RTEL1: variants seen among roughly 807,000 people sequenced by gnomAD.
RTEL1 encodes the protein regulator of telomere elongation helicase 1, also known as regulator of telomere length.
A neutral mutation model predicts 162.2 loss-of-function variants in RTEL1; 86 were observed. The ratio of observed to expected loss-of-function variants is 0.53; its 90% confidence interval spans 0.45 to 0.63. The LOEUF (loss-of-function observed/expected upper bound fraction) is 0.63. Ranked by LOEUF, RTEL1 falls within the 30% of genes least tolerant of loss-of-function variation. RTEL1 has a pLI of 0.00. For missense variants in RTEL1, 1,941 were observed against 1,750.2 expected (o/e 1.11, Z -1.95); for synonymous variants, 958 against 717.9 (o/e 1.33, Z -5.35).
At position 63,695,611 on chromosome 20, in the gene RTEL1, C is replaced by G. The variant is rs376313219; in HGVS notation, c.3783C>G (p.Asp1261Glu). The G allele has an allele frequency of 3.0e-5, 49 of 1,611,784 alleles. No individual in the cohort carries two copies. The highest frequency in any genetic ancestry group is 1.6e-4 in the Middle Eastern group (1 of 6,072). ...TGCCCTTCCAGTGCCCTGCCTGTGA[C>G]TTCCAGCGCTGCCAAGCCTGCTGGC... is the stretch of plus-strand genomic sequence containing the variant. ...DVVPFQCPAC[D>E]FQRCQACWQR... Residue 1261 changes from aspartate (D) to glutamate (E), a missense_variant, in exon 34 of 35, where the codon GAC becomes GAG. Asp to Glu is a conservative substitution (Grantham distance 45). Coordinates refer to ENST00000360203, the MANE Select transcript of RTEL1 (RefSeq NM_001283009.2).
Position 63,681,907 on chromosome 20 carries a change from T to A in RTEL1, c.1191+1188T>A. 3 of 985,424 alleles carry A rather than the reference T, an allele frequency of 3.0e-6. No homozygotes were observed. The South Asian group carries it at 1.4e-4, about 46-fold the overall frequency. 61.0% of individuals were successfully genotyped at this position (985,424 alleles called of 1,614,324 possible). ...GACCCCTCTGTCTGTGGCTCCTGCC[T>A]GCCAAGGGCTGCTGTGCTGTCCCGC... On this transcript the variant is annotated intron_variant, in intron 14 of 34. Transcript: ENST00000360203.
At position 63,662,811 on chromosome 20, in the gene RTEL1, C is replaced by T; in HGVS notation, c.478-18C>T. On this transcript the variant is annotated intron_variant, in intron 5 of 34. Transcript: ENST00000360203. ...CTTGGCCGTGCTTCAGCTGCGCACT[C>T]TGCCCTTCCTCCCACAGATCCACTT... The T allele has an allele frequency of 6.2e-7, 1 of 1,613,712 alleles. No homozygotes were observed. The highest frequency in any genetic ancestry group is 8.5e-7 in the Non-Finnish European group (1 of 1,179,968).
At chr20:63,669,460 G>A (rs1253834168) in intron 8 of RTEL1, among the ~76,000 whole-genome samples, 2 of 152,152 alleles carry the variant, frequency 1.3e-5, no homozygotes, top group Non-Finnish European at 2.9e-5. Context: ...TCAACTCTGT[G>A]GAAGAGTTGA....
At chr20:63,679,308 G>A (rs990098125) in intron 12 of RTEL1, among the ~76,000 whole-genome samples, 3 of 152,292 alleles carry the variant, frequency 2.0e-5, no homozygotes, top group South Asian at 2.1e-4. Context: ...TGTCCTCAGC[G>A]TAATGCTCAA....
At chr20:63,681,965 C>T (rs938488942) in intron 14 of RTEL1, 47 of 985,316 alleles carry the variant, frequency 4.8e-5, no homozygotes, top group African/African-American at 1.4e-4. Flanking sequence ...AGCAGGAGGC[C>T]GTGCACCTAT....
At chr20:63,680,836 A>G in intron 14 of RTEL1, 117 bp downstream of exon 14, 1 of 1,529,612 alleles carries the variant, frequency 6.5e-7, no homozygotes, top group South Asian at 1.2e-5. Context: ...CCCCTACACC[A>G]CCTGTTTCTG....
intron 13 of RTEL1, 87 bp downstream of exon 13, chr20:63,680,033 G>T: frequency 1.1e-6 from 1 of 903,410 alleles, no homozygotes; most frequent in Non-Finnish European, 1.7e-6. Flanking sequence ...GGGCTCCCCT[G>T]GCCGTCACCT....
chr20:63,679,975 G>A (rs558135876), intron 13 of RTEL1, 29 bp downstream of exon 13: 9 of 1,532,258 alleles, frequency 5.9e-6, no homozygotes, highest in Non-Finnish European at 4.5e-6. Flanking sequence ...TCTTTGGTGC[G>A]GGCAAATGTG....
At chr20:63,684,240 C>T (rs3787092) in intron 14 of RTEL1, among the ~76,000 whole-genome samples, 114,698 of 151,620 alleles carry the variant, frequency 0.76, 44,037 homozygotes, top group Middle Eastern at 0.79. Context: ...TGGTTCTGTG[C>T]GCTGACCGAG....
intron 9 of RTEL1, 81 bp downstream of exon 9, chr20:63,672,702 G>T (rs1263021456): frequency 8.1e-7 from 1 of 1,230,366 alleles, no homozygotes; most frequent in Non-Finnish European, 1.2e-6. Flanking sequence ...TTCTGGAGGG[G>T]CTCTGGCCAA....
At chr20:63,681,811 G>C in intron 14 of RTEL1, 2 of 985,398 alleles carry the variant, frequency 2.0e-6, no homozygotes, top group Non-Finnish European at 2.4e-6. Flanking sequence ...TGCGGTAGCT[G>C]GGGCTGGAAG....
In RTEL1 at chr20:63,688,531, C is replaced by T. The variant is rs753210449; in HGVS notation, c.1726C>T (p.Arg576Cys). ...MEKSLEFWRA[R>C]DLARKMEALK... Reference sequence around the variant, plus strand: ...TCCCTGCCTCTTCCTCCCACAGGCCCGCGACTTGGCCAGGAAGATGGAGGC... The same window carrying T: ...TCCCTGCCTCTTCCTCCCACAGGCCTGCGACTTGGCCAGGAAGATGGAGGC... Residue 576 changes from arginine (R) to cysteine (C), a missense_variant, in exon 21 of 35, where the codon CGC becomes TGC. Physicochemically the swap from Arg to Cys is radical, Grantham distance 180 (BLOSUM62 -3). Coordinates refer to ENST00000360203, the MANE Select transcript of RTEL1 (RefSeq NM_001283009.2). 52 of 1,610,164 alleles carry T rather than the reference C, an allele frequency of 3.2e-5. No individual in the cohort carries two copies. The highest frequency in any genetic ancestry group is 4.4e-5 in the Non-Finnish European group (52 of 1,179,432).
At chr20:63,670,825 A>G (rs1223912550) in intron 8 of RTEL1, among the ~76,000 whole-genome samples, 1 of 151,890 alleles carries the variant, frequency 6.6e-6, no homozygotes, top group African/African-American at 2.4e-5. Flanking sequence ...TCAAAAAAAA[A>G]AAAAAAGAAA....
In RTEL1 at chr20:63,688,281, C is replaced by A. The variant is rs762602851; in HGVS notation, c.1637-20C>A. 2 of 1,610,986 alleles carry A rather than the reference C, an allele frequency of 1.2e-6. No homozygotes were observed. Among genetic ancestry groups the A allele is most frequent in the Non-Finnish European group, 1.7e-6 (2 of 1,179,644 alleles). Reference sequence around the variant, plus strand: ...GCAGACATCCTGCCCCTGCCTTGACCCCGGCCCCTGCACTTCCAGGCAACA... The same window carrying A: ...GCAGACATCCTGCCCCTGCCTTGACACCGGCCCCTGCACTTCCAGGCAACA... On this transcript the variant is annotated intron_variant, in intron 19 of 34. Transcript: ENST00000360203.
At chr20:63,684,101 C>T (rs2090539008) in intron 14 of RTEL1, among the ~76,000 whole-genome samples, 1 of 152,156 alleles carries the variant, frequency 6.6e-6, no homozygotes, top group South Asian at 2.1e-4. Flanking sequence ...TAAACCGGGT[C>T]TTGTGTATTC....
chr20:63,690,933 C>T lies in RTEL1; in HGVS notation c.2542C>T (p.Pro848Ser). ...GCACAGCGAACAGCGGGCGGGGAGC[C>T]CTGGCGAGGAGCAGGTACAGTTCCA... ...LEHSEQRAGS[P>S]GEEQAHSCST... Residue 848 changes from proline (P) to serine (S), a missense_variant, in exon 27 of 35, where the codon CCT (proline) becomes TCT (serine). Coordinates refer to ENST00000360203, the MANE Select transcript of RTEL1 (RefSeq NM_001283009.2). The T allele has an allele frequency of 6.4e-7, 1 of 1,554,310 alleles. No individual in the cohort carries two copies. The highest frequency in any genetic ancestry group is 8.7e-7 in the Non-Finnish European group (1 of 1,149,578).
Position 63,662,875 on chromosome 20 carries a change from A to G in RTEL1, c.524A>G (p.Tyr175Cys). ...KKVASRSCHF[Y>C]NNVEEKSLEQ... ...GTGGCAAGTCGCTCCTGTCATTTCT[A>G]CAACAACGTAGAAGGTACAAGCAGC... The change falls in exon 6 of 35, where the codon TAC becomes TGC. Residue 175 changes from tyrosine to cysteine, a missense_variant. Coordinates refer to ENST00000360203, the MANE Select transcript of RTEL1 (RefSeq NM_001283009.2). 1 of 1,614,008 alleles carries G rather than the reference A, an allele frequency of 6.2e-7. No individual in the cohort carries two copies. Among genetic ancestry groups the G allele is most frequent in the Non-Finnish European group, 8.5e-7 (1 of 1,180,010 alleles).
rs79309877 is a variant in RTEL1 at position 63,667,118 on chromosome 20, A to C, written c.615-351A>C. Among the ~76,000 whole-genome samples, 235 of 152,086 alleles carry C rather than the reference A, an allele frequency of 1.5e-3. 1 individual carries two copies. Among genetic ancestry groups the C allele is most frequent in the East Asian group, 0.011 (58 of 5,160 alleles). ...CCTCCCAAAGTGCTGGGATTACAGG[A>C]GTGAGCCACCGCGCCCGGCCCAGCT... On this transcript the variant is annotated intron_variant, in intron 7 of 34. Transcript: ENST00000360203.
At chr20:63,660,272 G>A (rs1003471766) in intron 2 of RTEL1, among the ~76,000 whole-genome samples, 14 of 152,200 alleles carry the variant, frequency 9.2e-5, no homozygotes, top group African/African-American at 3.4e-4. Flanking sequence ...CGGGTGTTGG[G>A]CTGGGGGACT....
Sources: allele counts gnomAD v4.1 joint callset (sites outside exome capture counted in the v4.1 genomes callset), GRCh38; gene constraint gnomAD v4.1.1; transcripts MANE v1.5; gene names NCBI Gene and HGNC (gene_info 2026-07-23, HGNC 2026-07-21).